JUP: variants seen among roughly 807,000 people sequenced by gnomAD.
JUP encodes the protein catenin (cadherin-associated protein), gamma 80kDa.
A neutral mutation model predicts 71.1 loss-of-function variants in JUP; 28 were observed. The ratio of observed to expected loss-of-function variants is 0.39; its 90% CI spans 0.29 to 0.54. JUP has a LOEUF of 0.54. Ranked by LOEUF, JUP falls within the 20% of genes least tolerant of loss-of-function variation. JUP has a pLI of 0.62. For missense variants in JUP, 869 were observed against 1,030.1 expected, an observed-to-expected ratio of 0.84 and a Z score of 2.14; for synonymous variants, 401 against 438.9, an observed-to-expected ratio of 0.91 and a Z score of 1.08.
intron 1 of JUP, chr17:41,773,027 C>T: frequency 1.0e-6 from 1 of 982,164 alleles, no homozygotes; most frequent in Non-Finnish European, 1.2e-6. Flanking sequence ...AGCCCATGCA[C>T]TGGTCCCCCG....
chr17:41,761,768 A>G (rs1367093997), intron 8 of JUP, among the ~76,000 whole-genome samples: 160 of 151,076 alleles, frequency 1.1e-3, no homozygotes, highest in Middle Eastern at 3.4e-3. Context: ...AAAAAAAAAA[A>G]AAGAAGAAAT....
intron 8 of JUP, among the ~76,000 whole-genome samples, chr17:41,762,540 C>T (rs1172150646): frequency 2.0e-5 from 3 of 152,082 alleles, no homozygotes; most frequent in East Asian, 1.9e-4. Flanking sequence ...GGACCACAGG[C>T]GTGCACCACC....
intron 5 of JUP, among the ~76,000 whole-genome samples, chr17:41,765,302 C>T (rs1288020224): frequency 1.3e-5 from 2 of 152,052 alleles, no homozygotes; most frequent in Admixed American, 6.6e-5. Flanking sequence ...TCCCAAAGTG[C>T]TGGGATTACA....
At chr17:41,783,646 T>C (rs1226150968) in intron 1 of JUP, among the ~76,000 whole-genome samples, 2 of 151,530 alleles carry the variant, frequency 1.3e-5, no homozygotes, top group Non-Finnish European at 2.9e-5. Context: ...TTGGGCCAGG[T>C]GAGGTGGCTC....
chr17:41,760,707 C>A (rs1380691129), intron 8 of JUP, among the ~76,000 whole-genome samples: 3 of 152,178 alleles, frequency 2.0e-5, no homozygotes, highest in Non-Finnish European at 4.4e-5. Flanking sequence ...ATTACAGGCA[C>A]ATGCCACCAT....
In JUP at chr17:41,764,694, G is replaced by A. The variant is rs1231745993; in HGVS notation, c.1158+19C>T. ...GGGCAGCTGAAGAGGTCAACCCCAG[G>A]CCCAGATACCTCCCTCACCTGCTTG... On this transcript the variant is annotated intron_variant, in intron 7 of 13. Transcript: ENST00000393931. The A allele has an allele frequency of 1.9e-6, 3 of 1,605,668 alleles. No individual in the cohort carries two copies. The highest frequency in any genetic ancestry group is 2.2e-5 in the East Asian group (1 of 44,836).
intron 8 of JUP, among the ~76,000 whole-genome samples, chr17:41,762,535 A>G (rs1915067573): frequency 6.6e-6 from 1 of 151,878 alleles, no homozygotes; most frequent in Admixed American, 6.6e-5. Context: ...AGCTGGGACC[A>G]CAGGCGTGCA....
At chr17:41,762,160 A>AGTGT (rs1914942447) in intron 8 of JUP, among the ~76,000 whole-genome samples, 2 of 107,508 alleles carry the variant, frequency 1.9e-5, no homozygotes, top group African/African-American at 3.5e-5. Flanking sequence ...AGAGAGAGAG[A>AGTGT]GAGAGAGAGA....
chr17:41,765,423 G>C (rs1336719892), intron 5 of JUP, among the ~76,000 whole-genome samples: 2 of 151,624 alleles, frequency 1.3e-5, no homozygotes, highest in African/African-American at 4.8e-5. Flanking sequence ...ACGATCTCAG[G>C]TCACTACAAC....
At chr17:41,777,660 C>A (rs548714992) in intron 1 of JUP, among the ~76,000 whole-genome samples, 2 of 152,360 alleles carry the variant, frequency 1.3e-5, no homozygotes, top group African/African-American at 2.4e-5. Context: ...AAAACCCTCA[C>A]TTCCAGTCTG....
At position 41,783,648 on chromosome 17, in the gene JUP, A is replaced by C. The variant is rs113481986; in HGVS notation, c.-9+2940T>G. Among the ~76,000 whole-genome samples, 600 of 151,298 alleles carry C rather than the reference A, an allele frequency of 4.0e-3. 5 individuals carry two copies. Among genetic ancestry groups the C allele is most frequent in the African/African-American group, 0.013 (554 of 41,298 alleles). Reference sequence around the variant, plus strand: ...GAAAGTGCTTGGTTTGGGCCAGGTGAGGTGGCTCACGCCTGTAATCCCAGC... The same window carrying C: ...GAAAGTGCTTGGTTTGGGCCAGGTGCGGTGGCTCACGCCTGTAATCCCAGC... On this transcript the variant is annotated intron_variant, in intron 1 of 13. Coordinates refer to ENST00000393931, the MANE Select transcript of JUP (RefSeq NM_002230.4).
rs1915466603 is a variant in JUP at position 41,764,937 on chromosome 17, G to A, written c.1040C>T (p.Ala347Val). ...VLSVCPSNKP[A>V]IVEAGGMQAL... ...ATCATACTCACCAGCCTCCACAATG[G>A]CAGGCTTATTGCTGGGACACACGGA... The change falls in exon 6 of 14, where the codon GCC (alanine) becomes GTC (valine). Residue 347 changes from alanine (A) to valine (V), a missense_variant. Transcript: ENST00000393931. The A allele has an allele frequency of 6.2e-7, 1 of 1,614,178 alleles. No homozygotes were observed. The highest frequency in any genetic ancestry group is 8.5e-7 in the Non-Finnish European group (1 of 1,180,028).
In JUP at chr17:41,780,563, C is replaced by T. The variant is rs138195264; in HGVS notation, c.-9+6025G>A. Among the ~76,000 whole-genome samples the T allele has an allele frequency of 2.4e-3, 370 of 151,820 alleles. 2 individuals carry two copies. Among genetic ancestry groups the T allele is most frequent in the African/African-American group, 7.4e-3 (306 of 41,388 alleles). ...TACAAAAATTAGCTGGGCATGGTGG[C>T]GCATGCCTGTAGTCCCAGCTACTTA... On this transcript the variant is annotated intron_variant, in intron 1 of 13. Transcript: ENST00000393931.
intron 8 of JUP, among the ~76,000 whole-genome samples, chr17:41,759,886 AT>A (rs1432961758): frequency 1.3e-5 from 2 of 151,150 alleles, no homozygotes; most frequent in African/African-American, 2.4e-5. Context: ...TCACAATGAC[AT>A]TTTTTTTTCT....
intron 1 of JUP, among the ~76,000 whole-genome samples, chr17:41,785,372 AG>A (rs1384786602): frequency 6.6e-6 from 1 of 152,122 alleles, no homozygotes; most frequent in African/African-American, 2.4e-5. Context: ...CCACTTACGC[AG>A]GCCTTGTCTG....
chr17:41,776,424 A>G (rs1555608680), intron 1 of JUP, among the ~76,000 whole-genome samples: 1 of 152,256 alleles, frequency 6.6e-6, no homozygotes, highest in African/African-American at 2.4e-5. Context: ...ATGGCAGAGG[A>G]GGCGGAAGCC....
intron 12 of JUP, among the ~76,000 whole-genome samples, chr17:41,756,952 G>A (rs1409180929): frequency 1.3e-5 from 2 of 152,174 alleles, no homozygotes; most frequent in African/African-American, 4.8e-5. Flanking sequence ...GAAAAGCAAA[G>A]AGGCCTTGGA....
At chr17:41,772,360 G>A (rs890634680) in intron 1 of JUP, 2 of 251,558 alleles carry the variant, frequency 8.0e-6, no homozygotes, top group South Asian at 5.2e-5. Context: ...GCAGGGAAGC[G>A]GTCTGACAGG....
At chr17:41,770,792 C>T (rs918655289) in intron 2 of JUP, among the ~76,000 whole-genome samples, 1 of 152,204 alleles carries the variant, frequency 6.6e-6, no homozygotes, top group African/African-American at 2.4e-5. Context: ...GTCACTCATC[C>T]CACAGCCTTG....
Sources: allele counts gnomAD v4.1 joint callset (sites outside exome capture counted in the v4.1 genomes callset), GRCh38; gene constraint gnomAD v4.1.1; transcripts MANE v1.5; gene names NCBI Gene and HGNC (gene_info 2026-07-23, HGNC 2026-07-21).